The following METTL16 variants were observed in gnomAD, a reference collection of about 807,000 sequenced individuals.
METTL16 encodes the protein methyltransferase 16, RNA N6-adenosine.
METTL16 carries 19 observed loss-of-function variants against 57.9 expected under a neutral mutation model. The ratio of observed to expected loss-of-function variants is 0.33; its 90% CI spans 0.23 to 0.48. METTL16 has a LOEUF of 0.48. Ranked by LOEUF, METTL16 falls within the 20% of genes least tolerant of loss-of-function variation. The pLI is 0.99. For synonymous variants in METTL16, 246 were observed against 255.6 expected (o/e 0.96, Z 0.36); for missense variants, 434 against 691.5 (o/e 0.63, Z 4.18).
chr17:2,448,802 T>TAAAAAAAAAAAAAAAAAAAAAAA (rs71150866), intron 6 of METTL16, among the ~76,000 whole-genome samples: 2 of 43,642 alleles, frequency 4.6e-5, no homozygotes, highest in African/African-American at 2.6e-4. Context: ...AAATAAAATT[T>TAAAAAAAAAAAAAAAAAAAAAAA]AAAAAAAAAA....
chr17:2,452,693 T>C (rs1250271475), intron 6 of METTL16, among the ~76,000 whole-genome samples: 51 of 152,180 alleles, frequency 3.4e-4, no homozygotes, highest in Admixed American at 3.3e-3. Context: ...ATGACTCCAG[T>C]ATACCCTTCA....
At chr17:2,470,309 G>GAAA (rs35163850) in intron 4 of METTL16, among the ~76,000 whole-genome samples, 1 of 147,568 alleles carries the variant, frequency 6.8e-6, no homozygotes, top group African/African-American at 2.5e-5. Flanking sequence ...AAATGAAAAA[G>GAAA]AAAAAAAAAA....
At chr17:2,437,549 T>A (rs2066917283) in intron 8 of METTL16, among the ~76,000 whole-genome samples, 1 of 152,242 alleles carries the variant, frequency 6.6e-6, no homozygotes, top group Non-Finnish European at 1.5e-5. Flanking sequence ...AATTTTTATT[T>A]ATTTCATTTT....
chr17:2,477,801 T>C lies in METTL16; in HGVS notation c.213A>G (p.Pro71=), dbSNP rs533078279. Residue 71 remains proline, a synonymous_variant, in exon 3 of 10, where the codon CCA becomes CCG. Transcript: ENST00000263092. Reference sequence around the variant, plus strand: ...GAACTGTGGGAATTAGTCTCTCCAATGGAATATCAATAGAAAGTCCAAAAT... The same window carrying C: ...GAACTGTGGGAATTAGTCTCTCCAACGGAATATCAATAGAAAGTCCAAAAT... ...REDFGLSIDI[P]LERLIPTVPL... is the part of the protein sequence containing the mutation. The C allele has an allele frequency of 6.8e-6, 11 of 1,613,722 alleles. No homozygotes were observed. Among genetic ancestry groups the C allele is most frequent in the East Asian group, 2.2e-5 (1 of 44,892 alleles).
intron 3 of METTL16, among the ~76,000 whole-genome samples, chr17:2,477,097 T>C (rs1012402485): frequency 1.3e-5 from 2 of 152,056 alleles, no homozygotes; most frequent in Non-Finnish European, 2.9e-5. Context: ...ATCCCAGCAC[T>C]TTGGGAAGCC....
At chr17:2,463,538 T>C (rs770825601) in intron 6 of METTL16, among the ~76,000 whole-genome samples, 1 of 152,104 alleles carries the variant, frequency 6.6e-6, no homozygotes, top group East Asian at 1.9e-4. Flanking sequence ...CTCGGCTCAC[T>C]GCAACCTCTG....
chr17:2,469,514 C>T (rs1326969091), intron 4 of METTL16, among the ~76,000 whole-genome samples: 1 of 152,032 alleles, frequency 6.6e-6, no homozygotes, highest in Non-Finnish European at 1.5e-5. Flanking sequence ...TAGCACAGTT[C>T]TATGTACTGA....
chr17:2,449,020 C>T (rs931635300), intron 6 of METTL16, among the ~76,000 whole-genome samples: 2 of 144,746 alleles, frequency 1.4e-5, no homozygotes, highest in Admixed American at 6.9e-5. Context: ...AGCAAGACTC[C>T]GTCTCAAAAA....
chr17:2,424,123 T>C (rs1210328067), intron 8 of METTL16: 5 of 146,086 alleles, frequency 3.4e-5, no homozygotes, highest in African/African-American at 1.3e-4. Context: ...TTATTTTATT[T>C]TTTTTTTTGA....
chr17:2,505,739 C>T (rs2067528113), intron 1 of METTL16, among the ~76,000 whole-genome samples: 1 of 151,960 alleles, frequency 6.6e-6, no homozygotes, highest in South Asian at 2.1e-4. Context: ...TTGTTCTCAC[C>T]ATCCCTCCTT....
intron 2 of METTL16, among the ~76,000 whole-genome samples, chr17:2,490,636 T>C (rs1377344773): frequency 6.6e-6 from 1 of 152,194 alleles, no homozygotes; most frequent in Non-Finnish European, 1.5e-5. Flanking sequence ...TAATTCCTTT[T>C]TTGAAAACCA....
chr17:2,489,395 C>G (rs2067367067), intron 2 of METTL16, among the ~76,000 whole-genome samples: 1 of 152,118 alleles, frequency 6.6e-6, no homozygotes, highest in Non-Finnish European at 1.5e-5. Context: ...TGGCTCACAT[C>G]TGTAATCCCA....
chr17:2,426,596 G>T (rs979644626), intron 8 of METTL16, among the ~76,000 whole-genome samples: 1 of 151,252 alleles, frequency 6.6e-6, no homozygotes, highest in South Asian at 2.1e-4. Context: ...GGGCATGGTG[G>T]CACGTGTCTA....
intron 8 of METTL16, chr17:2,436,815 G>A (rs2066911829): frequency 6.6e-6 from 1 of 152,032 alleles, no homozygotes; most frequent in South Asian, 2.1e-4. Flanking sequence ...CAGCTCAGAG[G>A]TGGTTTTCCT....
Position 2,419,982 on chromosome 17 carries a change from A to G in METTL16, c.1677T>C (p.Val559=). Residue 559 remains valine, a synonymous_variant, in exon 10 of 10, where the codon GTT becomes GTC. Transcript: ENST00000263092. ...GTGCAGGAGGTTTCTAGTTAACTGCAACAAGCCTGAAAATTTGGTTACGTA... is the reference window on the plus strand; with the variant it reads ...GTGCAGGAGGTTTCTAGTTAACTGCGACAAGCCTGAAAATTTGGTTACGTA... ...TYIRNQIFRL[V]AVN is the part of the protein sequence containing the mutation. The G allele has an allele frequency of 6.2e-7, 1 of 1,614,184 alleles. No homozygotes were observed. Among genetic ancestry groups the G allele is most frequent in the Non-Finnish European group, 8.5e-7 (1 of 1,180,002 alleles).
chr17:2,430,034 A>G (rs530367262), intron 8 of METTL16, among the ~76,000 whole-genome samples: 8,892 of 148,316 alleles, frequency 0.06, 488 homozygotes, highest in Non-Finnish European at 0.094. Context: ...GGCTAGTCTC[A>G]AACTCCTAAC....
rs2066732179 is a variant in METTL16, at chr17:2,417,883, A to G, written c.*2087T>C. ...TAAGTACTTACTACTTACTGAATGAATAGTTGCCACTTAAACAATTATCCT... is the reference window on the plus strand; with the variant it reads ...TAAGTACTTACTACTTACTGAATGAGTAGTTGCCACTTAAACAATTATCCT... On this transcript the variant is annotated 3_prime_UTR_variant, in exon 10 of 10. Transcript: ENST00000263092. 1 of 152,222 alleles carries G rather than the reference A, an allele frequency of 6.6e-6. No homozygotes were observed. The highest frequency in any genetic ancestry group is 2.1e-4 in the South Asian group (1 of 4,832). The allele number at this position is 152,222 out of a possible 1,614,324, so 9.4% of individuals were successfully genotyped here.
intron 8 of METTL16, among the ~76,000 whole-genome samples, chr17:2,431,984 G>A (rs926612364): frequency 6.6e-6 from 1 of 150,830 alleles, no homozygotes; most frequent in East Asian, 1.9e-4. Flanking sequence ...TTGCTCTGTC[G>A]CCCAGGCTGG....
At chr17:2,446,622 CTCCACGGTCTCCT>C (rs1195367383) in intron 6 of METTL16, among the ~76,000 whole-genome samples, 15 of 151,630 alleles carry the variant, frequency 9.9e-5, no homozygotes, top group Admixed American at 3.9e-4. Flanking sequence ...CTCCCTCTCC[CTCCACGGTCTCCT>C]TCCACGGTCT....
Sources: gnomAD v4.1 joint callset for allele counts (sites outside exome capture counted in the v4.1 genomes callset) on GRCh38, gnomAD v4.1.1 for gene constraint, MANE v1.5 for transcripts, NCBI Gene and HGNC (gene_info 2026-07-23, HGNC 2026-07-21) for gene names.